Variants in DGKI observed in about 807,000 individuals in gnomAD.
DGKI encodes DAG kinase iota.
DGKI carries 55 observed loss-of-function variants against 147.5 expected under a neutral mutation model. The observed-to-expected ratio is 0.37, with a 90% CI of 0.30 to 0.47. The LOEUF (loss-of-function observed/expected upper bound fraction) is 0.47. DGKI is among the 20% of genes least tolerant of loss of function. The pLI, the probability that DGKI is intolerant of heterozygous loss-of-function variation, is 1.00. For synonymous variants in DGKI, 469 were observed against 477.1 expected (o/e 0.98, Z 0.22); for missense variants, 1,007 against 1,323.8 (o/e 0.76, Z 3.71).
intron 6 of DGKI, among the ~76,000 whole-genome samples, chr7:137,638,630 G>A (rs13237002): frequency 0.22 from 795 of 3,608 alleles, 180 homozygotes; most frequent in African/African-American, 0.39. Flanking sequence ...ACATATATAT[G>A]TGTGTATATA....
intron 28 of DGKI, among the ~76,000 whole-genome samples, chr7:137,425,265 T>C (rs1239074841): frequency 6.6e-6 from 1 of 152,242 alleles, no homozygotes. Context: ...CTGCAGCGAC[T>C]GCTGCTGATA....
rs1563214771 is a variant in DGKI at position 137,824,528 on chromosome 7, AAG to A, written c.401+21932_401+21933del. Among the ~76,000 whole-genome samples the A allele has an allele frequency of 1.3e-4, 5 of 39,958 alleles. 1 individual carries two copies. Among genetic ancestry groups the A allele is most frequent in the African/African-American group, 6.8e-4 (4 of 5,884 alleles). 26.2% of individuals were successfully genotyped at this position (39,958 alleles called of 152,430 possible). On this transcript the variant is annotated intron_variant, in intron 1 of 32. Transcript: ENST00000614521. ...GAGACTCCATCTCAAAAAAAAAAAAAAGAAAAAGAAAAGAAAATGGAATTATT... is the reference window on the plus strand; with the variant it reads ...GAGACTCCATCTCAAAAAAAAAAAAAAAAAAGAAAAGAAAATGGAATTATT...
chr7:137,541,106 T>C (rs995460708), intron 20 of DGKI, among the ~76,000 whole-genome samples: 1 of 152,076 alleles, frequency 6.6e-6, no homozygotes, highest in African/African-American at 2.4e-5. Context: ...AAGAATAAAT[T>C]TGGAAGAATA....
In DGKI at chr7:137,617,624, T is replaced by C. The variant is rs117234403; in HGVS notation, c.993+2200A>G. 1.7e-3 allele frequency among the ~76,000 whole-genome samples: 258 copies of C among 151,954 alleles called. 10 individuals are homozygous for C. In the East Asian group the frequency reaches 0.047, roughly 27 times the overall value. ...TCCACTTCCAGGAAGATGGGGTAGA[T>C]GGGGTGAGGCCAGGAGGAAATGGAT... is the stretch of plus-strand genomic sequence containing the variant. On this transcript the variant is annotated intron_variant, in intron 8 of 32. Coordinates refer to ENST00000614521, the MANE Select transcript of DGKI (RefSeq NM_001321708.2).
rs562120611 is a variant in DGKI, at chr7:137,443,938, A to C, written c.2761+139T>G. 6 of 688,282 alleles carry C rather than the reference A, an allele frequency of 8.7e-6. No homozygotes were observed. The South Asian group carries it at 1.2e-4, about 14-fold the overall frequency. The allele number at this position is 688,282 out of a possible 1,614,324, so 42.6% of individuals were successfully genotyped here. On this transcript the variant is annotated intron_variant, in intron 28 of 32. Transcript: ENST00000614521. ...TGATTTAAGTTTTTAAAAGTGTTTG[A>C]CATTTCACATTCAAAAACCACAAAG...
chr7:137,391,410 C>CA, intron 32 of DGKI, 74 bp from the exon 33 acceptor site: 4 of 1,072,194 alleles, frequency 3.7e-6, no homozygotes, highest in East Asian at 5.0e-5. Context: ...AATACAAAAA[C>CA]AAAAAACAAA....
At chr7:137,498,229 A>T (rs1816043277) in intron 21 of DGKI, among the ~76,000 whole-genome samples, 2 of 151,800 alleles carry the variant, frequency 1.3e-5, no homozygotes, top group South Asian at 2.1e-4. Context: ...GAAAATCTCT[A>T]AAAAAGTAGA....
intron 21 of DGKI, among the ~76,000 whole-genome samples, chr7:137,488,011 G>A (rs538403537): frequency 1.3e-5 from 2 of 152,222 alleles, no homozygotes; most frequent in Non-Finnish European, 2.9e-5. Context: ...GGCTGCTCAT[G>A]GACAGTTGAT....
chr7:137,562,144 A>G (rs1359196333), intron 19 of DGKI, among the ~76,000 whole-genome samples: 1 of 152,228 alleles, frequency 6.6e-6, no homozygotes, highest in African/African-American at 2.4e-5. Context: ...TTTGTCTTTC[A>G]TCTCTTAATT....
chr7:137,567,663 G>A (rs890372542), intron 19 of DGKI, among the ~76,000 whole-genome samples: 13 of 152,108 alleles, frequency 8.5e-5, no homozygotes, highest in East Asian at 1.9e-4. Context: ...TCTGGATTCC[G>A]ACTCAAAGAA....
chr7:137,542,131 G>A (rs1329184601), intron 20 of DGKI, among the ~76,000 whole-genome samples: 1 of 152,194 alleles, frequency 6.6e-6, no homozygotes, highest in Non-Finnish European at 1.5e-5. Context: ...GCTGATAGGG[G>A]TGTGGAGCAA....
intron 1 of DGKI, among the ~76,000 whole-genome samples, chr7:137,789,842 A>G (rs1796795360): frequency 6.6e-6 from 1 of 152,172 alleles, no homozygotes; most frequent in East Asian, 1.9e-4. Context: ...TCCCCCAAAC[A>G]CAACAAGGGG....
chr7:137,710,603 G>A (rs976235557), intron 1 of DGKI, among the ~76,000 whole-genome samples: 9 of 152,096 alleles, frequency 5.9e-5, no homozygotes, highest in South Asian at 2.1e-4. Flanking sequence ...TTTATACCTC[G>A]AAGCATATAT....
chr7:137,661,866 T>C (rs897352777), intron 3 of DGKI, among the ~76,000 whole-genome samples: 1 of 152,200 alleles, frequency 6.6e-6, no homozygotes, highest in African/African-American at 2.4e-5. Flanking sequence ...GGAACCTTCC[T>C]AAGCTCTTAG....
chr7:137,703,232 C>T (rs1323207909), intron 1 of DGKI, among the ~76,000 whole-genome samples: 1 of 152,162 alleles, frequency 6.6e-6, no homozygotes, highest in African/African-American at 2.4e-5. Context: ...GGGGGAAGTG[C>T]CATACACTTT....
chr7:137,639,449 C>T (rs1032496959), intron 6 of DGKI, among the ~76,000 whole-genome samples: 12 of 152,162 alleles, frequency 7.9e-5, no homozygotes, highest in African/African-American at 2.7e-4. Context: ...CCTTGTGTAC[C>T]TGGAACTTTT....
intron 27 of DGKI, among the ~76,000 whole-genome samples, chr7:137,457,370 C>T (rs1441264542): frequency 1.3e-5 from 2 of 152,216 alleles, no homozygotes; most frequent in African/African-American, 4.8e-5. Flanking sequence ...CGCTGTCCAA[C>T]AGTCTGTCTT....
chr7:137,505,469 C>T (rs1293773319), intron 21 of DGKI, among the ~76,000 whole-genome samples: 1 of 152,020 alleles, frequency 6.6e-6, no homozygotes, highest in Non-Finnish European at 1.5e-5. Flanking sequence ...AGGAGAATTA[C>T]CCTAGATACA....
chr7:137,659,235 T>A (rs893608661), intron 3 of DGKI, among the ~76,000 whole-genome samples: 12 of 152,198 alleles, frequency 7.9e-5, no homozygotes, highest in Non-Finnish European at 1.8e-4. Flanking sequence ...TACAATCATA[T>A]GTAAAATTAA....
Sources: allele counts gnomAD v4.1 joint callset (sites outside exome capture counted in the v4.1 genomes callset), GRCh38; gene constraint gnomAD v4.1.1; transcripts MANE v1.5; gene names NCBI Gene and HGNC (gene_info 2026-07-23, HGNC 2026-07-21).